Variants in ADAM32 observed in about 807,000 individuals in gnomAD.
ADAM32 encodes the protein disintegrin and metalloproteinase domain-containing protein 32.
A neutral mutation model predicts 114.9 loss-of-function variants in ADAM32; 89 were observed. The ratio of observed to expected loss-of-function variants is 0.77; its 90% confidence interval spans 0.65 to 0.92. The LOEUF (loss-of-function observed/expected upper bound fraction) is 0.92, where lower values mean the gene tolerates loss of function less well. ADAM32 is among the 40% of genes least tolerant of loss of function. ADAM32 has a pLI of 0.00. For synonymous variants in ADAM32, 285 were observed against 307.5 expected (o/e 0.93, Z 0.77); for missense variants, 870 against 932.8 (o/e 0.93, Z 0.88).
intron 11 of ADAM32, among the ~76,000 whole-genome samples, chr8:39,210,175 C>T (rs564778912): frequency 6.6e-6 from 1 of 152,152 alleles, no homozygotes; most frequent in Non-Finnish European, 1.5e-5. Context: ...GGGGTTCAGC[C>T]TGGTGCTGTG....
intron 2 of ADAM32, among the ~76,000 whole-genome samples, chr8:39,118,945 G>A (rs569388770): frequency 5.3e-4 from 81 of 152,142 alleles, no homozygotes; most frequent in Non-Finnish European, 9.7e-4. Flanking sequence ...CCGCTGATCT[G>A]TTGTCTATCT....
intron 10 of ADAM32, among the ~76,000 whole-genome samples, chr8:39,181,021 A>G (rs1011875129): frequency 4.6e-5 from 7 of 152,196 alleles, no homozygotes; most frequent in South Asian, 4.1e-4. Flanking sequence ...AAACGCACCA[A>G]TCAGCACCCT....
At chr8:39,269,940 G>T (rs574295780) in intron 19 of ADAM32, among the ~76,000 whole-genome samples, 1 of 152,208 alleles carries the variant, frequency 6.6e-6, no homozygotes, top group East Asian at 1.9e-4. Context: ...GGGAAGCAAG[G>T]CACCTTCTTC....
intron 23 of ADAM32, 47 bp from the exon 24 acceptor site, chr8:39,283,539 A>G (rs1231530569): frequency 2.8e-6 from 4 of 1,410,814 alleles, no homozygotes; most frequent in Admixed American, 2.0e-5. Flanking sequence ...TAAGTTTGAC[A>G]GGTTGTATTA....
chr8:39,229,522 G>A (rs1295718597), intron 14 of ADAM32, among the ~76,000 whole-genome samples: 1 of 152,142 alleles, frequency 6.6e-6, no homozygotes, highest in African/African-American at 2.4e-5. Flanking sequence ...CATGCAAATG[G>A]ACACCAAAAG....
At chr8:39,163,717 T>C (rs1036967251) in intron 7 of ADAM32, among the ~76,000 whole-genome samples, 8 of 152,200 alleles carry the variant, frequency 5.3e-5, no homozygotes, top group Non-Finnish European at 1.2e-4. Context: ...ATGGAGCATG[T>C]AGTGTAATAA....
intron 7 of ADAM32, among the ~76,000 whole-genome samples, chr8:39,161,716 CT>C (rs1396004615): frequency 6.6e-6 from 1 of 151,964 alleles, no homozygotes; most frequent in East Asian, 1.9e-4. Context: ...GGGTTTAGAG[CT>C]TGTCAGGAAG....
intron 19 of ADAM32, among the ~76,000 whole-genome samples, chr8:39,263,437 TC>T (rs1812165410): frequency 6.6e-6 from 1 of 152,208 alleles, no homozygotes; most frequent in African/African-American, 2.4e-5. Flanking sequence ...CTTCTGAACT[TC>T]CTGTACTTTA....
chr8:39,178,997 G>C (rs953737352), intron 10 of ADAM32, among the ~76,000 whole-genome samples: 14 of 152,158 alleles, frequency 9.2e-5, no homozygotes, highest in Non-Finnish European at 1.8e-4. Context: ...CAGTCAGGAG[G>C]AATGGGATCA....
At chr8:39,266,952 C>G (rs1411014806) in intron 19 of ADAM32, among the ~76,000 whole-genome samples, 1 of 152,204 alleles carries the variant, frequency 6.6e-6, no homozygotes, top group Non-Finnish European at 1.5e-5. Context: ...GGTATGTGCT[C>G]TATCCCTGGG....
rs150124691 is a variant in ADAM32, at chr8:39,147,908, G to T, written c.276+703G>T. 3.9e-3 allele frequency among the ~76,000 whole-genome samples: 590 copies of T among 152,048 alleles called. 3 individuals are homozygous for T. Among genetic ancestry groups the T allele is most frequent in the African/African-American group, 0.014 (569 of 41,474 alleles). ...CCTGCCTCAGCCTCCCGAGTATTTG[G>T]GATTACAGGCATGCACCACCATGCC... On this transcript the variant is annotated intron_variant, in intron 4 of 24. Coordinates refer to ENST00000379907, the MANE Select transcript of ADAM32 (RefSeq NM_145004.7).
chr8:39,217,103 G>T (rs1808621033), intron 12 of ADAM32, among the ~76,000 whole-genome samples: 1 of 35,772 alleles, frequency 2.8e-5, no homozygotes, highest in South Asian at 1.7e-3. Context: ...TATGTTTAAA[G>T]AATATATATA....
Position 39,211,182 on chromosome 8 carries a change from T to C in ADAM32, c.1091T>C (p.Leu364Ser), listed in dbSNP as rs1808184507. The C allele has an allele frequency of 6.2e-7, 1 of 1,604,936 alleles. No homozygotes were observed. Among genetic ancestry groups the C allele is most frequent in the Admixed American group, 1.7e-5 (1 of 58,282 alleles). Residue 364 changes from leucine to serine, a missense_variant, in exon 12 of 25, where the codon TTG becomes TCG. Coordinates refer to ENST00000379907, the MANE Select transcript of ADAM32 (RefSeq NM_145004.7). The part of the protein sequence containing the change: ...NGVKTFSSCS[L>S]RSFQNFISNV... ...GTGAAGACTTTTAGCAGTTGCAGTT[T>C]GAGGAGCTTTCAAAATTTCATTTCA... is the stretch of plus-strand genomic sequence containing the variant.
At chr8:39,270,962 G>A (rs1488889885) in intron 20 of ADAM32, 48 bp downstream of exon 20, 9 of 1,533,252 alleles carry the variant, frequency 5.9e-6, no homozygotes, top group Admixed American at 1.9e-5. Context: ...AAAATTAAGA[G>A]TTAATTGATA....
intron 14 of ADAM32, among the ~76,000 whole-genome samples, chr8:39,224,421 C>T (rs1809202793): frequency 6.6e-6 from 1 of 152,212 alleles, no homozygotes; most frequent in Admixed American, 6.5e-5. Context: ...TTCTCCACAT[C>T]TTCACCAACA....
chr8:39,266,360 A>G (rs1022443333), intron 19 of ADAM32, among the ~76,000 whole-genome samples: 31 of 152,198 alleles, frequency 2.0e-4, no homozygotes, highest in African/African-American at 7.2e-4. Context: ...GTTCATTTAA[A>G]AAATTATTTT....
Position 39,147,192 on chromosome 8 carries a change from C to A in ADAM32, c.263C>A (p.Ser88Tyr). 2.0e-6 allele frequency: 2 copies of A among 1,010,734 alleles called. No homozygotes were observed. Among genetic ancestry groups the A allele is most frequent in the South Asian group, 2.6e-5 (1 of 37,990 alleles). 62.6% of individuals were successfully genotyped at this position (1,010,734 alleles called of 1,614,324 possible). ...AATCAAGGATCTATGAATACTTATT[C>A]TTCAGATATTCAGGTAAGATTTAAA... Reference protein sequence around the residue: ...LYNQGSMNTYSSDIQTQCYYQ... With the variant: ...LYNQGSMNTYYSDIQTQCYYQ... Residue 88 changes from serine (S) to tyrosine (Y), a missense_variant, in exon 4 of 25, where the codon TCT becomes TAT. By Grantham distance (144) the Ser-to-Tyr change is moderately radical (BLOSUM62 -2). Transcript: ENST00000379907.
At chr8:39,158,451 C>A in intron 6 of ADAM32, 1 of 221,642 alleles carries the variant, frequency 4.5e-6, no homozygotes, top group South Asian at 6.8e-5. Flanking sequence ...CCTACTACCA[C>A]CATGGGCAGT....
At chr8:39,267,473 T>A (rs914484535) in intron 19 of ADAM32, among the ~76,000 whole-genome samples, 5 of 152,242 alleles carry the variant, frequency 3.3e-5, no homozygotes, top group African/African-American at 9.6e-5. Flanking sequence ...TTAATTTTTT[T>A]AAATCTATTT....
Sources: allele counts gnomAD v4.1 joint callset (sites outside exome capture counted in the v4.1 genomes callset), GRCh38; gene constraint gnomAD v4.1.1; transcripts MANE v1.5; gene names NCBI Gene and HGNC (gene_info 2026-07-23, HGNC 2026-07-21).